Variants in CDH13 observed in about 807,000 individuals in gnomAD.
CDH13 encodes the protein cadherin 13, also known as cadherin-13.
In CDH13, 24 loss-of-function variants were observed where a neutral mutation model predicts 63.8. The ratio of observed to expected loss-of-function variants is 0.38; its 90% CI spans 0.27 to 0.53. The LOEUF (loss-of-function observed/expected upper bound fraction) is 0.53. CDH13 is among the 20% of genes least tolerant of loss of function. The pLI, the probability that CDH13 is intolerant of heterozygous loss-of-function variation, is 0.85. For synonymous variants in CDH13, 503 were observed against 355.3 expected, an observed-to-expected ratio of 1.42 and a Z score of -4.67; for missense variants, 1,049 against 903.1, an observed-to-expected ratio of 1.16 and a Z score of -2.07.
At position 83,750,492 on chromosome 16, in the gene CDH13, C is replaced by G. The variant is rs1379960041; in HGVS notation, c.1681+2242C>G. Among the ~76,000 whole-genome samples the G allele has an allele frequency of 2.0e-5, 3 of 152,222 alleles. No homozygotes were observed. The East Asian group carries it at 5.8e-4, about 29-fold the overall frequency. ...TGTTGACGTATTGGAGTCCTAATCCCTGGTTCCATAGCATGTACCTTATTT... is the reference window on the plus strand; with the variant it reads ...TGTTGACGTATTGGAGTCCTAATCCGTGGTTCCATAGCATGTACCTTATTT... On this transcript the variant is annotated intron_variant, in intron 11 of 13. Transcript: ENST00000567109.
chr16:83,477,742 C>T (rs559592904), intron 6 of CDH13, among the ~76,000 whole-genome samples: 1 of 152,272 alleles, frequency 6.6e-6, no homozygotes, highest in African/African-American at 2.4e-5. Flanking sequence ...AATGGCTCTA[C>T]CAACAGACAA....
intron 10 of CDH13, chr16:83,717,697 T>C (rs191521966): frequency 1.3e-5 from 2 of 152,514 alleles, no homozygotes; most frequent in African/African-American, 2.4e-5. Context: ...TCCAGGACTA[T>C]TGTGAGAGTT....
At chr16:83,086,016 C>T (rs2033570863) in intron 3 of CDH13, among the ~76,000 whole-genome samples, 1 of 152,182 alleles carries the variant, frequency 6.6e-6, no homozygotes, top group African/African-American at 2.4e-5. Context: ...CAGCCTTCTA[C>T]AGCTAAGGCA....
intron 4 of CDH13, among the ~76,000 whole-genome samples, chr16:83,162,270 T>C (rs1284262948): frequency 6.6e-6 from 1 of 152,102 alleles, no homozygotes; most frequent in Non-Finnish European, 1.5e-5. Flanking sequence ...ATCATCACCA[T>C]CATTAGCATC....
intron 1 of CDH13, among the ~76,000 whole-genome samples, chr16:82,764,498 C>G (rs950632747): frequency 1.2e-4 from 19 of 152,100 alleles, no homozygotes; most frequent in Admixed American, 1.2e-3. Flanking sequence ...GATAGATGTG[C>G]TAGCAGAGCA....
chr16:83,540,187 C>T (rs1369360614), intron 7 of CDH13, among the ~76,000 whole-genome samples: 2 of 151,856 alleles, frequency 1.3e-5, no homozygotes, highest in African/African-American at 4.8e-5. Context: ...GCTTCAGCCT[C>T]CCGAGTAGCT....
intron 7 of CDH13, among the ~76,000 whole-genome samples, chr16:83,597,269 G>A (rs1011223771): frequency 6.6e-5 from 10 of 152,108 alleles, no homozygotes; most frequent in Non-Finnish European, 1.5e-4. Context: ...CAACCCAAAT[G>A]TTCATCCAGT....
intron 2 of CDH13, among the ~76,000 whole-genome samples, chr16:82,922,465 G>A (rs917560679): frequency 1.3e-5 from 2 of 152,254 alleles, no homozygotes; most frequent in East Asian, 3.9e-4. Context: ...CATGAGTGTT[G>A]TTGCCCCCAT....
intron 7 of CDH13, among the ~76,000 whole-genome samples, chr16:83,516,356 C>G (rs967682970): frequency 6.6e-5 from 10 of 152,200 alleles, no homozygotes; most frequent in African/African-American, 2.4e-4. Flanking sequence ...TTCATGTCAT[C>G]TCTCTTTATG....
intron 7 of CDH13, among the ~76,000 whole-genome samples, chr16:83,548,429 AACAGCAAAGCT>A (rs2075428896): frequency 6.6e-6 from 1 of 152,196 alleles, no homozygotes. Context: ...CCCCTCCCCC[AACAGCAAAGCT>A]TTATCTGGCC....
intron 1 of CDH13, among the ~76,000 whole-genome samples, chr16:82,668,365 A>G (rs1178730036): frequency 6.6e-6 from 1 of 152,098 alleles, no homozygotes; most frequent in African/African-American, 2.4e-5. Context: ...CATATTGCCT[A>G]AGCTGTTATT....
chr16:83,062,040 G>C (rs769103068), intron 3 of CDH13, among the ~76,000 whole-genome samples: 9 of 152,192 alleles, frequency 5.9e-5, no homozygotes, highest in Non-Finnish European at 1.3e-4. Flanking sequence ...TTAGCAAAAC[G>C]GATGCTATCA....
At chr16:83,328,241 T>C (rs2090410077) in intron 5 of CDH13, among the ~76,000 whole-genome samples, 1 of 151,984 alleles carries the variant, frequency 6.6e-6, no homozygotes, top group South Asian at 2.1e-4. Context: ...GAAACAGAAG[T>C]CCATGCTTGG....
chr16:83,079,964 C>G (rs1395432243), intron 3 of CDH13, among the ~76,000 whole-genome samples: 1 of 152,186 alleles, frequency 6.6e-6, no homozygotes, highest in Non-Finnish European at 1.5e-5. Context: ...ATTTCAGTAG[C>G]TAGAATGCTT....
chr16:82,712,095 C>A (rs2031991049), intron 1 of CDH13, among the ~76,000 whole-genome samples: 1 of 152,086 alleles, frequency 6.6e-6, no homozygotes, highest in African/African-American at 2.4e-5. Context: ...TCCAAACTTA[C>A]CATATCTTAA....
rs1917878904 is a variant in CDH13, at chr16:83,047,241, A to ATT, written c.366+15025_366+15026dup. On this transcript the variant is annotated intron_variant, in intron 3 of 13. Coordinates refer to ENST00000567109, the MANE Select transcript of CDH13 (RefSeq NM_001257.5). The surrounding 1 kb of genome is among the most constrained non-coding windows in gnomAD (Gnocchi z 4.9). ...TCTTACTCCAGAGGCCTGTGTATTT[A>ATT]TTTATTTATTTATTTTTTTGGTAAA... Among the ~76,000 whole-genome samples the ATT allele has an allele frequency of 6.6e-6, 1 of 152,000 alleles. No homozygotes were observed. Among genetic ancestry groups the ATT allele is most frequent in the Non-Finnish European group, 1.5e-5 (1 of 67,936 alleles).
At chr16:82,748,792 CCTT>C (rs1450610482) in intron 1 of CDH13, among the ~76,000 whole-genome samples, 3 of 152,216 alleles carry the variant, frequency 2.0e-5, no homozygotes, top group Admixed American at 6.5e-5. Context: ...TGTGGATTGG[CCTT>C]CTGCTATGTT....
At chr16:83,486,100 G>A (rs545693938) in intron 6 of CDH13, among the ~76,000 whole-genome samples, 20 of 152,148 alleles carry the variant, frequency 1.3e-4, no homozygotes, top group African/African-American at 4.3e-4. Context: ...CCAAGATCAC[G>A]CCGCTGCACT....
intron 2 of CDH13, among the ~76,000 whole-genome samples, chr16:82,944,808 T>C (rs1327037328): frequency 6.6e-6 from 1 of 152,160 alleles, no homozygotes; most frequent in East Asian, 1.9e-4. Flanking sequence ...CAGAGACTGA[T>C]ACATTTGTAC....
Sources: allele counts gnomAD v4.1 joint callset (sites outside exome capture counted in the v4.1 genomes callset), GRCh38; gene constraint gnomAD v4.1.1; non-coding constraint Gnocchi (gnomAD v3.1); transcripts MANE v1.5; gene names NCBI Gene and HGNC (gene_info 2026-07-23, HGNC 2026-07-21).